ATP8A2: variants seen among roughly 807,000 people sequenced by gnomAD.
The protein encoded by ATP8A2 is ATPase phospholipid transporting 8A2, also known as phospholipid-transporting ATPase IB.
Under a neutral mutation model 165.6 loss-of-function variants are expected in ATP8A2, and 100 were observed. The observed-to-expected ratio is 0.60, with a 90% CI of 0.51 to 0.71. The LOEUF (loss-of-function observed/expected upper bound fraction) is 0.71. ATP8A2 is among the 30% of genes least tolerant of loss of function. The probability of loss-of-function intolerance (pLI) is 0.00; values close to 1 mark genes in which losing one functional copy is unlikely to be tolerated. For synonymous variants in ATP8A2, 543 were observed against 548.8 expected, an observed-to-expected ratio of 0.99 and a Z score of 0.15; for missense variants, 1,227 against 1,479.5, an observed-to-expected ratio of 0.83 and a Z score of 2.80.
At chr13:25,981,164 T>A (rs1203104470) in intron 35 of ATP8A2, among the ~76,000 whole-genome samples, 1 of 152,254 alleles carries the variant, frequency 6.6e-6, no homozygotes, top group Admixed American at 6.5e-5. Context: ...GCCAAGTTTG[T>A]GTTTTCATAC....
chr13:25,636,225 C>T (rs369750204), intron 24 of ATP8A2, among the ~76,000 whole-genome samples: 125 of 152,174 alleles, frequency 8.2e-4, no homozygotes, highest in African/African-American at 2.7e-3. Context: ...AATACATTCC[C>T]TGTAGCAGGG....
At chr13:25,532,703 G>T (rs907518071) in intron 5 of ATP8A2, among the ~76,000 whole-genome samples, 23 of 152,004 alleles carry the variant, frequency 1.5e-4, no homozygotes, top group African/African-American at 5.3e-4. Flanking sequence ...TCTCACTCCT[G>T]TTGCCCAGGC....
chr13:25,627,904 A>AT (rs1185852286), intron 24 of ATP8A2, among the ~76,000 whole-genome samples: 1 of 152,204 alleles, frequency 6.6e-6, no homozygotes, highest in East Asian at 1.9e-4. Context: ...ATCAAGGCTC[A>AT]TAAGTGCTAT....
At chr13:25,505,735 TG>T (rs2137730503) in intron 2 of ATP8A2, among the ~76,000 whole-genome samples, 1 of 152,386 alleles carries the variant, frequency 6.6e-6, no homozygotes, top group African/African-American at 2.4e-5. Context: ...AGCATGTTGA[TG>T]GCTCTACATA....
Position 25,776,054 on chromosome 13 carries a change from G to A in ATP8A2, c.2679+1095G>A, listed in dbSNP as rs138190745. On this transcript the variant is annotated intron_variant, in intron 27 of 36. Coordinates refer to ENST00000381655, the MANE Select transcript of ATP8A2 (RefSeq NM_016529.6). ...GTTGTGCAGGTTGTTCATGGCCCAA[G>A]ACAACCGGGCCAAAAGAGTAAATGA... Among the ~76,000 whole-genome samples, 734 of 152,308 alleles carry A rather than the reference G, an allele frequency of 4.8e-3. 5 individuals are homozygous for A. The highest frequency in any genetic ancestry group is 0.017 in the African/African-American group (695 of 41,562).
chr13:25,402,149 TGGATAAGGGGATGATTCACACCCTAGGTG>T (rs2033658486), intron 1 of ATP8A2, among the ~76,000 whole-genome samples: 1 of 152,044 alleles, frequency 6.6e-6, no homozygotes, highest in South Asian at 2.1e-4. Context: ...GTGAATTCGC[TGGATAAGGGGATGATTCACACCCTAGGTG>T]GGAAGGAGCA....
chr13:25,812,877 C>T (rs1950913151), intron 27 of ATP8A2, among the ~76,000 whole-genome samples: 1 of 152,092 alleles, frequency 6.6e-6, no homozygotes, highest in African/African-American at 2.4e-5. Flanking sequence ...GGTACATATA[C>T]ACCATAGAAT....
At chr13:25,562,498 G>A (rs1403495437) in intron 15 of ATP8A2, among the ~76,000 whole-genome samples, 1 of 152,168 alleles carries the variant, frequency 6.6e-6, no homozygotes, top group Non-Finnish European at 1.5e-5. Flanking sequence ...AGAATGGTCA[G>A]CCAGGACCCA....
intron 33 of ATP8A2, among the ~76,000 whole-genome samples, chr13:25,899,025 G>T (rs958865117): frequency 2.0e-5 from 3 of 152,214 alleles, no homozygotes; most frequent in Non-Finnish European, 4.4e-5. Context: ...ATGGTGCCCT[G>T]CACCCACTGT....
chr13:25,780,640 C>T (rs1195639558), intron 27 of ATP8A2, among the ~76,000 whole-genome samples: 1 of 152,160 alleles, frequency 6.6e-6, no homozygotes, highest in African/African-American at 2.4e-5. Context: ...TGGCACCAGA[C>T]ACTGGTTTCA....
At chr13:25,712,622 A>G (rs1299560769) in intron 25 of ATP8A2, among the ~76,000 whole-genome samples, 3 of 152,230 alleles carry the variant, frequency 2.0e-5, no homozygotes, top group African/African-American at 4.8e-5. Context: ...CATAAAAAGG[A>G]TATCAGTGAT....
At chr13:25,471,622 T>C (rs150440425) in intron 2 of ATP8A2, among the ~76,000 whole-genome samples, 12,962 of 152,224 alleles carry the variant, frequency 0.085, 882 homozygotes, top group African/African-American at 0.19. Context: ...GAATTACAGG[T>C]GTTAGCCACC....
chr13:25,524,894 C>A (rs1360924870), intron 2 of ATP8A2, among the ~76,000 whole-genome samples: 117 of 41,624 alleles, frequency 2.8e-3, no homozygotes, highest in Middle Eastern at 0.016. Flanking sequence ...TAACTTCCTT[C>A]CTTCCTTCCT....
At chr13:25,503,563 G>T (rs1433960631) in intron 2 of ATP8A2, among the ~76,000 whole-genome samples, 1 of 152,180 alleles carries the variant, frequency 6.6e-6, no homozygotes, top group East Asian at 1.9e-4. Flanking sequence ...GCCAGGACAA[G>T]ACCTCATGTG....
In ATP8A2 at chr13:25,504,857, C is replaced by T. The variant is rs576595943; in HGVS notation, c.222-25142C>T. Among the ~76,000 whole-genome samples, 3 of 152,096 alleles carry T rather than the reference C, an allele frequency of 2.0e-5. No homozygotes were observed. The East Asian group carries it at 5.8e-4, about 29-fold the overall frequency. On this transcript the variant is annotated intron_variant, in intron 2 of 36. Transcript: ENST00000381655. ...GGTCCTCTTGCTAGTAAGTGCATGC[C>T]CCTAAACCAGGCTATTGTTCTCATT...
chr13:25,437,810 C>T (rs975965302), intron 1 of ATP8A2, among the ~76,000 whole-genome samples: 17 of 152,106 alleles, frequency 1.1e-4, no homozygotes, highest in Non-Finnish European at 2.4e-4. Context: ...AGCATGTATA[C>T]GCTGCTTTGG....
intron 24 of ATP8A2, among the ~76,000 whole-genome samples, chr13:25,664,301 G>A (rs2042107800): frequency 6.6e-6 from 1 of 152,118 alleles, no homozygotes; most frequent in Non-Finnish European, 1.5e-5. Context: ...CCTGTAAATG[G>A]CCTTAAATAT....
At chr13:25,509,112 T>A (rs1433964721) in intron 2 of ATP8A2, among the ~76,000 whole-genome samples, 1 of 152,208 alleles carries the variant, frequency 6.6e-6, no homozygotes, top group Non-Finnish European at 1.5e-5. Flanking sequence ...CATCTGAGGT[T>A]ATGATATGGT....
chr13:25,978,660 G>A (rs2139246476), intron 35 of ATP8A2, among the ~76,000 whole-genome samples: 1 of 152,284 alleles, frequency 6.6e-6, no homozygotes, highest in East Asian at 1.9e-4. Context: ...ACTCAGGAGA[G>A]GCCGGGCGCG....
Sources: gnomAD v4.1 joint callset for allele counts (sites outside exome capture counted in the v4.1 genomes callset) on GRCh38, gnomAD v4.1.1 for gene constraint, MANE v1.5 for transcripts, NCBI Gene and HGNC (gene_info 2026-07-23, HGNC 2026-07-21) for gene names.